The following ANO4 variants were observed in gnomAD, a reference collection of about 807,000 sequenced individuals.
ANO4 encodes the protein anoctamin-4.
In ANO4, 69 loss-of-function variants were observed where a neutral mutation model predicts 141.9. The ratio of observed to expected loss-of-function variants is 0.49; its 90% confidence interval spans 0.40 to 0.59. The LOEUF (loss-of-function observed/expected upper bound fraction) is 0.59, where lower values mean the gene tolerates loss of function less well. Ranked by LOEUF, ANO4 falls within the 20% of genes least tolerant of loss-of-function variation. ANO4 has a pLI of 0.00. For synonymous variants in ANO4, 350 were observed against 394.3 expected, an observed-to-expected ratio of 0.89 and a Z score of 1.33; for missense variants, 894 against 1,162.2, an observed-to-expected ratio of 0.77 and a Z score of 3.36.
In ANO4 at chr12:101,072,451, A is replaced by C. The variant is rs78611194; in HGVS notation, c.1313-6742A>C. Among the ~76,000 whole-genome samples, 1,307 of 152,342 alleles carry C rather than the reference A, an allele frequency of 8.6e-3. 10 individuals carry two copies. Among genetic ancestry groups the C allele is most frequent in the Non-Finnish European group, 0.015 (1,014 of 68,030 alleles). Reference sequence around the variant, plus strand: ...TGCCACAAATTTATTTGAAATTGATAATAATTGTTCTATTTAAGAAAATAC... The same window carrying C: ...TGCCACAAATTTATTTGAAATTGATCATAATTGTTCTATTTAAGAAAATAC... On this transcript the variant is annotated intron_variant, in intron 14 of 27. Transcript: ENST00000392977.
chr12:100,765,169 C>T (rs918194991), intron 3 of ANO4, among the ~76,000 whole-genome samples: 1 of 152,116 alleles, frequency 6.6e-6, no homozygotes, highest in Non-Finnish European at 1.5e-5. Flanking sequence ...TCTATTTCTT[C>T]ATGATTCAGT....
chr12:100,801,526 T>A (rs1203775145), intron 1 of ANO4, among the ~76,000 whole-genome samples: 1 of 151,012 alleles, frequency 6.6e-6, no homozygotes, highest in Non-Finnish European at 1.5e-5. Flanking sequence ...AAAAGCACAA[T>A]TCCTATCCTC....
At chr12:100,721,839 A>AG (rs2030880585) in intron 1 of ANO4, among the ~76,000 whole-genome samples, 1 of 149,882 alleles carries the variant, frequency 6.7e-6, no homozygotes, top group Admixed American at 6.7e-5. Context: ...TCACCATGCC[A>AG]GGCTAACTTT....
intron 5 of ANO4, among the ~76,000 whole-genome samples, chr12:100,967,775 A>G (rs1390450452): frequency 6.6e-6 from 1 of 152,234 alleles, no homozygotes; most frequent in African/African-American, 2.4e-5. Flanking sequence ...TGTTTTCTAA[A>G]ATATGAAATT....
chr12:100,884,883 T>C lies in ANO4; in HGVS notation c.-140-16763T>C, dbSNP rs552700287. 4.9e-3 allele frequency among the ~76,000 whole-genome samples: 741 copies of C among 152,200 alleles called. 4 individuals are homozygous for C. Among genetic ancestry groups the C allele is most frequent in the Non-Finnish European group, 7.7e-3 (524 of 67,994 alleles). ...CTATTTTTAGTATTTGTAGTAGAGG[T>C]GGGGTTTCACCATGTTGTCCAGGCT... On this transcript the variant is annotated intron_variant, in intron 1 of 27. Coordinates refer to ENST00000392977, the MANE Select transcript of ANO4 (RefSeq NM_001286615.2).
chr12:100,979,734 A>AT (rs970167518), intron 7 of ANO4, among the ~76,000 whole-genome samples: 81 of 147,864 alleles, frequency 5.5e-4, no homozygotes, highest in Admixed American at 1.1e-3. Flanking sequence ...TCTTTTATTT[A>AT]TTTTTTTTTT....
At chr12:100,829,939 G>A (rs902205237) in intron 1 of ANO4, among the ~76,000 whole-genome samples, 6 of 152,038 alleles carry the variant, frequency 3.9e-5, no homozygotes, top group African/African-American at 1.4e-4. Flanking sequence ...GTAAGAACCA[G>A]CATTGTGGTG....
At chr12:101,031,812 T>C (rs1464949274) in intron 9 of ANO4, among the ~76,000 whole-genome samples, 1 of 152,120 alleles carries the variant, frequency 6.6e-6, no homozygotes, top group Non-Finnish European at 1.5e-5. Context: ...AGCCAAATCA[T>C]GAATTAATTC....
chr12:100,991,823 G>A (rs1028887233), intron 8 of ANO4, among the ~76,000 whole-genome samples: 3 of 152,170 alleles, frequency 2.0e-5, no homozygotes, highest in African/African-American at 7.2e-5. Context: ...AGAAACAAAA[G>A]TAGGAGAATC....
At chr12:100,916,944 T>C (rs965864116) in intron 2 of ANO4, among the ~76,000 whole-genome samples, 4 of 151,658 alleles carry the variant, frequency 2.6e-5, no homozygotes, top group African/African-American at 4.9e-5. Context: ...GATTGCATCA[T>C]TGAACTCCAG....
chr12:100,960,452 C>T (rs559314439), intron 5 of ANO4, among the ~76,000 whole-genome samples: 1 of 152,070 alleles, frequency 6.6e-6, no homozygotes, highest in East Asian at 1.9e-4. Flanking sequence ...GCTGTGTGCC[C>T]TGTAACATCC....
intron 2 of ANO4, among the ~76,000 whole-genome samples, chr12:100,735,920 GGAA>G (rs2031589881): frequency 6.6e-6 from 1 of 152,184 alleles, no homozygotes; most frequent in African/African-American, 2.4e-5. Context: ...TCAAATCTTT[GGAA>G]GAAGATGAGA....
chr12:100,933,753 T>C (rs1267767507), intron 3 of ANO4, among the ~76,000 whole-genome samples: 1 of 152,226 alleles, frequency 6.6e-6, no homozygotes, highest in Non-Finnish European at 1.5e-5. Context: ...GCATTCCTAT[T>C]TCTCCACATC....
At chr12:100,988,872 G>GTAAAAAAAAAA (rs2044883137) in intron 8 of ANO4, among the ~76,000 whole-genome samples, 1 of 65,042 alleles carries the variant, frequency 1.5e-5, no homozygotes, top group Non-Finnish European at 2.9e-5. Flanking sequence ...CTCTGTCTCA[G>GTAAAAAAAAAA]AAAAAAAAAA....
chr12:100,782,448 T>A (rs2033741607), intron 3 of ANO4, among the ~76,000 whole-genome samples: 1 of 152,190 alleles, frequency 6.6e-6, no homozygotes, highest in African/African-American at 2.4e-5. Context: ...TTATTTTGGG[T>A]CTACTTATTT....
intron 1 of ANO4, among the ~76,000 whole-genome samples, chr12:100,820,152 A>T (rs890262836): frequency 1.3e-5 from 2 of 151,036 alleles, no homozygotes; most frequent in African/African-American, 4.9e-5. Context: ...GGCTCTTTTC[A>T]TCTAACATTT....
intron 8 of ANO4, among the ~76,000 whole-genome samples, chr12:101,001,517 A>C (rs2045638393): frequency 6.6e-6 from 1 of 152,224 alleles, no homozygotes; most frequent in African/African-American, 2.4e-5. Flanking sequence ...ACTTTAAGCC[A>C]GGGTTACCCA....
At chr12:100,833,060 T>G (rs2036711521) in intron 1 of ANO4, among the ~76,000 whole-genome samples, 1 of 152,130 alleles carries the variant, frequency 6.6e-6, no homozygotes, top group Non-Finnish European at 1.5e-5. Flanking sequence ...TAGCTTATTT[T>G]CGCAACGTAT....
At chr12:100,734,382 G>A (rs185414685) in intron 2 of ANO4, among the ~76,000 whole-genome samples, 14 of 152,258 alleles carry the variant, frequency 9.2e-5, no homozygotes, top group East Asian at 7.7e-4. Flanking sequence ...AGAGTGAGCC[G>A]TGCCATTTTT....
Sources: gnomAD v4.1 joint callset for allele counts (sites outside exome capture counted in the v4.1 genomes callset) on GRCh38, gnomAD v4.1.1 for gene constraint, MANE v1.5 for transcripts, NCBI Gene and HGNC (gene_info 2026-07-23, HGNC 2026-07-21) for gene names.